Variants in MOB3B observed in about 807,000 individuals in gnomAD.
MOB3B encodes the protein MOB kinase activator 3B.
Under a neutral mutation model 18.7 loss-of-function variants are expected in MOB3B, and 7 were observed. That is an observed-to-expected ratio of 0.37 (90% CI 0.21 to 0.70). MOB3B has a LOEUF of 0.70. Among genes scored for constraint, MOB3B ranks in the 30% least tolerant of loss-of-function variants. The pLI is 0.52. For synonymous variants in MOB3B, 111 were observed against 99.9 expected (o/e 1.11, Z -0.66); for missense variants, 253 against 281.3 (o/e 0.90, Z 0.72).
At chr9:27,426,022 G>A (rs1822324208) in intron 2 of MOB3B, among the ~76,000 whole-genome samples, 1 of 152,160 alleles carries the variant, frequency 6.6e-6, no homozygotes, top group Admixed American at 6.5e-5. Flanking sequence ...TGGAAAAGCA[G>A]GAGGAGTTGA....
rs11999748 is a variant in MOB3B, at chr9:27,412,265, C to T, written c.418+42868G>A. Among the ~76,000 whole-genome samples, 777 of 150,328 alleles carry T rather than the reference C, an allele frequency of 5.2e-3. 7 individuals carry two copies. Among genetic ancestry groups the T allele is most frequent in the African/African-American group, 0.018 (731 of 40,836 alleles). ...CATTCAGGGATAACTAGAAATTATG[C>T]GAGCAGGAAGAGCTGCTTAACCAGG... On this transcript the variant is annotated intron_variant, in intron 2 of 3. Coordinates refer to ENST00000262244, the MANE Select transcript of MOB3B (RefSeq NM_024761.5).
intron 1 of MOB3B, among the ~76,000 whole-genome samples, chr9:27,517,780 T>C (rs146768077): frequency 1.3e-5 from 2 of 152,066 alleles, no homozygotes; most frequent in African/African-American, 2.4e-5. Flanking sequence ...TTATTGAGTG[T>C]ACGCTGTGTG....
chr9:27,432,081 C>CCCATGTT (rs1367303022), intron 2 of MOB3B, among the ~76,000 whole-genome samples: 1 of 152,114 alleles, frequency 6.6e-6, no homozygotes, highest in Non-Finnish European at 1.5e-5. Context: ...GAAAAATAAA[C>CCCATGTT]CAGAAACTTG....
chr9:27,423,367 C>T (rs555693539), intron 2 of MOB3B, among the ~76,000 whole-genome samples: 8 of 150,714 alleles, frequency 5.3e-5, no homozygotes, highest in African/African-American at 2.0e-4. Context: ...CTTTGGCCCC[C>T]ATACATGACT....
At chr9:27,349,021 T>C (rs944625899) in intron 3 of MOB3B, among the ~76,000 whole-genome samples, 5 of 150,750 alleles carry the variant, frequency 3.3e-5, no homozygotes, top group African/African-American at 1.2e-4. Flanking sequence ...CTCTGGGAAG[T>C]TCCCTATGGA....
chr9:27,455,790 C>T (rs939982441), intron 1 of MOB3B, 42 bp from the exon 2 acceptor site: 24 of 1,390,554 alleles, frequency 1.7e-5, no homozygotes, highest in East Asian at 5.6e-5. Flanking sequence ...GTGCCCAGTT[C>T]GCCTTTAAAA....
At chr9:27,362,781 G>A (rs536419081) in intron 2 of MOB3B, among the ~76,000 whole-genome samples, 1 of 152,292 alleles carries the variant, frequency 6.6e-6, no homozygotes, top group Admixed American at 6.5e-5. Flanking sequence ...AAAGCTACAT[G>A]CATTTGAAAA....
chr9:27,441,591 C>A (rs1000762138), intron 2 of MOB3B, among the ~76,000 whole-genome samples: 3 of 152,170 alleles, frequency 2.0e-5, no homozygotes, highest in Admixed American at 2.0e-4. Flanking sequence ...TAGGACAGAG[C>A]AAGATTTCAT....
intron 1 of MOB3B, among the ~76,000 whole-genome samples, chr9:27,511,885 G>T (rs1300008101): frequency 2.6e-5 from 4 of 152,154 alleles, no homozygotes; most frequent in Non-Finnish European, 5.9e-5. Context: ...TGGGCTAACT[G>T]TTCACCAAAC....
At chr9:27,374,596 C>T (rs1821465801) in intron 2 of MOB3B, among the ~76,000 whole-genome samples, 1 of 152,068 alleles carries the variant, frequency 6.6e-6, no homozygotes, top group Non-Finnish European at 1.5e-5. Context: ...AAGCAATGGT[C>T]TCTCTAGAAC....
intron 2 of MOB3B, among the ~76,000 whole-genome samples, chr9:27,360,513 AAACAAACAAAACC>A (rs1476046975): frequency 6.6e-6 from 1 of 152,208 alleles, no homozygotes; most frequent in Admixed American, 6.5e-5. Flanking sequence ...TCAAACAAAC[AAACAAACAAAACC>A]AACAACAACA....
chr9:27,347,342 G>A (rs980616996), intron 3 of MOB3B, among the ~76,000 whole-genome samples: 28 of 152,242 alleles, frequency 1.8e-4, no homozygotes, highest in African/African-American at 6.8e-4. Context: ...GGAAAAGTAA[G>A]ACCTTTCATA....
At chr9:27,381,794 G>A (rs938222294) in intron 2 of MOB3B, among the ~76,000 whole-genome samples, 7 of 152,142 alleles carry the variant, frequency 4.6e-5, no homozygotes, top group Admixed American at 3.9e-4. Flanking sequence ...CTATAAGAAC[G>A]CACCACCACA....
At chr9:27,507,209 C>A (rs771203971) in intron 1 of MOB3B, among the ~76,000 whole-genome samples, 5 of 152,232 alleles carry the variant, frequency 3.3e-5, no homozygotes, top group Middle Eastern at 6.8e-3. Context: ...AGAAATTCAT[C>A]CGTGGTCATA....
chr9:27,402,158 T>C (rs1821894519), intron 2 of MOB3B, among the ~76,000 whole-genome samples: 1 of 152,254 alleles, frequency 6.6e-6, no homozygotes, highest in African/African-American at 2.4e-5. Flanking sequence ...ATAAAGCACA[T>C]ATTCCTGTGT....
intron 2 of MOB3B, among the ~76,000 whole-genome samples, chr9:27,441,648 T>G (rs544124616): frequency 6.6e-6 from 1 of 152,354 alleles, no homozygotes; most frequent in African/African-American, 2.4e-5. Context: ...GAATCATTTA[T>G]TTCTGGAATT....
chr9:27,496,573 G>A (rs562142250), intron 1 of MOB3B, among the ~76,000 whole-genome samples: 13 of 152,286 alleles, frequency 8.5e-5, no homozygotes, highest in Admixed American at 6.5e-4. Flanking sequence ...GTGGTTAACC[G>A]TGGTTCATCT....
intron 2 of MOB3B, 103 bp downstream of exon 2, chr9:27,455,030 G>C (rs1822849311): frequency 2.5e-6 from 3 of 1,224,478 alleles, no homozygotes; most frequent in Non-Finnish European, 3.6e-6. Context: ...TGAGTGATGG[G>C]ATTAATGCAT....
chr9:27,497,364 A>C (rs908225085), intron 1 of MOB3B, among the ~76,000 whole-genome samples: 1 of 152,144 alleles, frequency 6.6e-6, no homozygotes, highest in African/African-American at 2.4e-5. Context: ...AAAATCATGG[A>C]GTATCCATAC....
Sources: gnomAD v4.1 joint callset for allele counts (sites outside exome capture counted in the v4.1 genomes callset) on GRCh38, gnomAD v4.1.1 for gene constraint, MANE v1.5 for transcripts, NCBI Gene and HGNC (gene_info 2026-07-23, HGNC 2026-07-21) for gene names.